BAIAP2L1: variants seen among roughly 807,000 people sequenced by gnomAD.
BAIAP2L1 encodes the protein BAR/IMD domain-containing adapter protein 2-like 1.
BAIAP2L1 carries 35 observed loss-of-function variants against 66.3 expected under a neutral mutation model. That is an observed-to-expected ratio of 0.53 (90% CI 0.40 to 0.70). The LOEUF is 0.70. BAIAP2L1 is among the 30% of genes least tolerant of loss of function. The pLI, the probability that BAIAP2L1 is intolerant of heterozygous loss-of-function variation, is 0.00. For missense variants in BAIAP2L1, 622 were observed against 656.9 expected (o/e 0.95, Z 0.58); for synonymous variants, 269 against 248.7 (o/e 1.08, Z -0.77).
At position 98,389,823 on chromosome 7, in the gene BAIAP2L1, T is replaced by C. The variant is rs553466732; in HGVS notation, c.51+10979A>G. On this transcript the variant is annotated intron_variant, in intron 1 of 13. Coordinates refer to ENST00000005260, the MANE Select transcript of BAIAP2L1 (RefSeq NM_018842.5). The stretch of plus-strand genomic sequence containing the variant: ...AGAAATGACCCCTGAAAGTAAAGTC[T>C]TGACTTTTAAAAGGCAGTTTTAAGA... Among the ~76,000 whole-genome samples, 3 of 152,174 alleles carry C rather than the reference T, an allele frequency of 2.0e-5. No homozygotes were observed. The South Asian group carries it at 6.2e-4, about 31-fold the overall frequency.
chr7:98,398,804 A>G (rs1803281060), intron 1 of BAIAP2L1, among the ~76,000 whole-genome samples: 1 of 152,182 alleles, frequency 6.6e-6, no homozygotes, highest in African/African-American at 2.4e-5. Flanking sequence ...GAAAAAAAGC[A>G]GGGTTTAACT....
intron 1 of BAIAP2L1, among the ~76,000 whole-genome samples, chr7:98,369,383 T>A (rs1402364259): frequency 1.3e-5 from 2 of 152,084 alleles, no homozygotes; most frequent in Non-Finnish European, 2.9e-5. Context: ...CTCAGGAGGC[T>A]GAGGTAGGTG....
intron 3 of BAIAP2L1, among the ~76,000 whole-genome samples, chr7:98,333,136 C>T (rs1404989239): frequency 6.6e-6 from 1 of 152,168 alleles, no homozygotes; most frequent in African/African-American, 2.4e-5. Flanking sequence ...CTGCATCCCA[C>T]CCCTTCTATC....
In BAIAP2L1 at chr7:98,292,842, C is replaced by T. The variant is rs547097271; in HGVS notation, c.*679G>A. The T allele has an allele frequency of 3.2e-5, 47 of 1,456,852 alleles. No homozygotes were observed. The highest frequency in any genetic ancestry group is 1.8e-4 in the Admixed American group (7 of 38,232). The allele number at this position is 1,456,852 out of a possible 1,614,324, so 90.2% of individuals were successfully genotyped here. On this transcript the variant is annotated 3_prime_UTR_variant, in exon 14 of 14. Transcript: ENST00000005260. ...GGGCCGTGTGCAGCGAATCCGTTGG[C>T]GACTCCTAACTACCAAGAAAAGGAG... is the stretch of plus-strand genomic sequence containing the variant.
In BAIAP2L1 at chr7:98,340,012, C is replaced by T. The variant is rs769988803; in HGVS notation, c.214+15030G>A. ...GACAGCGTGAGGACAGGGACACTTACGCTGTCTCCATCTTGAGTTACTAGG... is the reference window on the plus strand; with the variant it reads ...GACAGCGTGAGGACAGGGACACTTATGCTGTCTCCATCTTGAGTTACTAGG... On this transcript the variant is annotated intron_variant, in intron 3 of 13. Coordinates refer to ENST00000005260, the MANE Select transcript of BAIAP2L1 (RefSeq NM_018842.5). Among the ~76,000 whole-genome samples the T allele has an allele frequency of 4.6e-5, 7 of 152,128 alleles. No homozygotes were observed. The South Asian group carries it at 6.2e-4, about 14-fold the overall frequency.
In BAIAP2L1 at chr7:98,291,686, C is replaced by T. The variant is rs1022743776; in HGVS notation, c.*1835G>A. On this transcript the variant is annotated 3_prime_UTR_variant, in exon 14 of 14. Transcript: ENST00000005260. ...TCTGCTTTATTATTAAAGTTGTAAT[C>T]CCTTGATATTTACAGAGCAGGCACC... 7.3e-6 allele frequency: 2 copies of T among 274,550 alleles called. No homozygotes were observed. The highest frequency in any genetic ancestry group is 2.3e-5 in the African/African-American group (1 of 43,590). 17.0% of individuals were successfully genotyped at this position (274,550 alleles called of 1,614,324 possible). A position where few individuals can be genotyped will look rare whatever the true frequency, so the allele number is the denominator to read the frequency against.
At chr7:98,358,343 A>C (rs1001559880) in intron 2 of BAIAP2L1, among the ~76,000 whole-genome samples, 3 of 151,878 alleles carry the variant, frequency 2.0e-5, no homozygotes, top group Non-Finnish European at 4.4e-5. Context: ...TTAAGGAAAG[A>C]AGCATATTAG....
At chr7:98,395,687 G>C (rs74339523) in intron 1 of BAIAP2L1, among the ~76,000 whole-genome samples, 119 of 152,294 alleles carry the variant, frequency 7.8e-4, no homozygotes, top group African/African-American at 2.5e-3. Context: ...CAGCAGATAA[G>C]TTAAACTAAA....
At chr7:98,321,774 G>A (rs1801254192) in intron 3 of BAIAP2L1, among the ~76,000 whole-genome samples, 1 of 152,168 alleles carries the variant, frequency 6.6e-6, no homozygotes, top group Admixed American at 6.5e-5. Flanking sequence ...TGTGCCGGCG[G>A]ACCATCCTAC....
chr7:98,398,909 G>A (rs1183241659), intron 1 of BAIAP2L1, among the ~76,000 whole-genome samples: 1 of 152,194 alleles, frequency 6.6e-6, no homozygotes, highest in Non-Finnish European at 1.5e-5. Flanking sequence ...AGGCAGTGGT[G>A]TTCTGTATTT....
intron 3 of BAIAP2L1, among the ~76,000 whole-genome samples, chr7:98,322,661 T>C (rs1184156157): frequency 6.6e-6 from 1 of 152,070 alleles, no homozygotes; most frequent in Non-Finnish European, 1.5e-5. Context: ...GATTCTCCCA[T>C]CCACCCCCAG....
rs370882152 is a variant in BAIAP2L1 at position 98,390,931 on chromosome 7, G to A, written c.51+9871C>T. 2.6e-4 allele frequency among the ~76,000 whole-genome samples: 39 copies of A among 151,894 alleles called. 1 individual carries two copies. The highest frequency in any genetic ancestry group is 8.0e-4 in the African/African-American group (33 of 41,452). On this transcript the variant is annotated intron_variant, in intron 1 of 13. Coordinates refer to ENST00000005260, the MANE Select transcript of BAIAP2L1 (RefSeq NM_018842.5). ...AGCTCACTGCTACCTTTGCCTCCCC[G>A]GTTCAAGCGATCCTGCCTCAGCCTC...
intron 1 of BAIAP2L1, among the ~76,000 whole-genome samples, chr7:98,393,728 G>A (rs1482143999): frequency 5.4e-5 from 8 of 147,560 alleles, no homozygotes; most frequent in Admixed American, 4.0e-4. Flanking sequence ...TTCGCAATCC[G>A]CCCGCCTCGG....
At position 98,307,879 on chromosome 7, in the gene BAIAP2L1, T is replaced by A; in HGVS notation, c.973A>T (p.Ser325Cys). The A allele has an allele frequency of 6.2e-7, 1 of 1,614,238 alleles. No individual in the cohort carries two copies. Among genetic ancestry groups the A allele is most frequent in the Non-Finnish European group, 8.5e-7 (1 of 1,180,020 alleles). ...GCAACCGAAACTGATCGCTGTAAAC[T>A]GGGATCTTCGGAAGTACCTGTTGGA... ...NNSTGTSEDP[S>C]LQRSVSVATG... Residue 325 changes from serine (S) to cysteine (C), a missense_variant, in exon 10 of 14, where the codon AGT becomes TGT. Transcript: ENST00000005260.
chr7:98,304,883 G>C (rs1042034780), intron 11 of BAIAP2L1, among the ~76,000 whole-genome samples: 1 of 82,198 alleles, frequency 1.2e-5, no homozygotes, highest in African/African-American at 3.9e-5. Flanking sequence ...TTTTTTTTTT[G>C]AGATGGGGTT....
intron 1 of BAIAP2L1, among the ~76,000 whole-genome samples, chr7:98,363,267 T>C (rs1386039263): frequency 1.3e-5 from 2 of 152,098 alleles, no homozygotes; most frequent in African/African-American, 4.8e-5. Context: ...ACTCCTGACC[T>C]CAGGTTATCC....
chr7:98,361,087 TG>T (rs1034666339), intron 2 of BAIAP2L1, among the ~76,000 whole-genome samples: 4 of 152,150 alleles, frequency 2.6e-5, no homozygotes, highest in Non-Finnish European at 4.4e-5. Flanking sequence ...CTGGGTGTGG[TG>T]GCTTAAGTTT....
Position 98,305,061 on chromosome 7 carries a change from T to G in BAIAP2L1, c.1242-685A>C, listed in dbSNP as rs543338691. 2.1e-3 allele frequency among the ~76,000 whole-genome samples: 304 copies of G among 147,230 alleles called. 4 individuals are homozygous for G. Among genetic ancestry groups the G allele is most frequent in the East Asian group, 0.011 (54 of 5,044 alleles). On this transcript the variant is annotated intron_variant, in intron 11 of 13. Coordinates refer to ENST00000005260, the MANE Select transcript of BAIAP2L1 (RefSeq NM_018842.5). ...TTTTGTTTTTTGTTTTTTTTTTTTT[T>G]TTTTTTTTTAGTAGAGACGGGGTTT...
chr7:98,295,609 G>A (rs1175797828), intron 12 of BAIAP2L1, among the ~76,000 whole-genome samples: 4 of 152,094 alleles, frequency 2.6e-5, no homozygotes, highest in Admixed American at 1.3e-4. Flanking sequence ...CCTGAGGCAC[G>A]ATTCATGCCA....
Sources: gnomAD v4.1 joint callset for allele counts (sites outside exome capture counted in the v4.1 genomes callset) on GRCh38, gnomAD v4.1.1 for gene constraint, MANE v1.5 for transcripts, NCBI Gene and HGNC (gene_info 2026-07-23, HGNC 2026-07-21) for gene names.